The following PCDH9 variants were observed in gnomAD, a reference collection of about 807,000 sequenced individuals.
PCDH9 encodes the protein protocadherin 9, also known as protocadherin-9.
A neutral mutation model predicts 70.6 loss-of-function variants in PCDH9; 24 were observed. The observed-to-expected ratio is 0.34, with a 90% CI of 0.25 to 0.48. The LOEUF is 0.48. Among genes scored for constraint, PCDH9 ranks in the 20% least tolerant of loss-of-function variants. The pLI, the probability that PCDH9 is intolerant of heterozygous loss-of-function variation, is 0.99. For missense variants in PCDH9, 1,281 were observed against 1,503.6 expected, an observed-to-expected ratio of 0.85 and a Z score of 2.45; for synonymous variants, 562 against 558.5, an observed-to-expected ratio of 1.01 and a Z score of -0.09.
intron 2 of PCDH9, among the ~76,000 whole-genome samples, chr13:67,052,837 G>A (rs1311426381): frequency 1.3e-5 from 2 of 152,098 alleles, no homozygotes; most frequent in Admixed American, 1.3e-4. Flanking sequence ...GGAGGAGGTG[G>A]TTAATGCTAT....
intron 2 of PCDH9, among the ~76,000 whole-genome samples, chr13:67,011,362 C>A (rs1236292594): frequency 6.6e-6 from 1 of 151,684 alleles, no homozygotes; most frequent in Non-Finnish European, 1.5e-5. Context: ...TGCATTTTAC[C>A]AACTGCATAT....
chr13:66,678,208 G>C (rs958176691), intron 3 of PCDH9, among the ~76,000 whole-genome samples: 9 of 151,596 alleles, frequency 5.9e-5, no homozygotes, highest in Non-Finnish European at 1.3e-4. Flanking sequence ...GCTTTCTCTT[G>C]GTTTCCTTTA....
chr13:67,216,404 G>C (rs1319016539), intron 2 of PCDH9: 1 of 151,342 alleles, frequency 6.6e-6, no homozygotes, highest in African/African-American at 2.4e-5. Context: ...TAAGTTTTAA[G>C]GCAAAAAATG....
chr13:66,469,255 G>A (rs1011636545), intron 4 of PCDH9, among the ~76,000 whole-genome samples: 4 of 151,990 alleles, frequency 2.6e-5, no homozygotes, highest in African/African-American at 7.2e-5. Context: ...GGGTAGTAAC[G>A]TACCTGTTTG....
At chr13:67,197,641 A>G (rs1052138808) in intron 2 of PCDH9, among the ~76,000 whole-genome samples, 1 of 151,966 alleles carries the variant, frequency 6.6e-6, no homozygotes, top group East Asian at 1.9e-4. Context: ...TAGCCTTTAA[A>G]TTATACTCAA....
At chr13:66,318,301 C>A (rs1477204506) in intron 4 of PCDH9, among the ~76,000 whole-genome samples, 1 of 152,116 alleles carries the variant, frequency 6.6e-6, no homozygotes, top group Non-Finnish European at 1.5e-5. Context: ...TATTGCCAAT[C>A]ATCAACTGCT....
chr13:66,715,447 A>G (rs1191356683), intron 3 of PCDH9, among the ~76,000 whole-genome samples: 1 of 152,128 alleles, frequency 6.6e-6, no homozygotes, highest in Non-Finnish European at 1.5e-5. Context: ...CAATAATGAG[A>G]TATTTGTTTA....
At chr13:66,373,101 T>C (rs892571472) in intron 4 of PCDH9, among the ~76,000 whole-genome samples, 2 of 151,988 alleles carry the variant, frequency 1.3e-5, no homozygotes, top group African/African-American at 2.4e-5. Context: ...CAGTCAATAA[T>C]TGGATAAACT....
At chr13:66,958,875 A>G (rs2083302850) in intron 2 of PCDH9, among the ~76,000 whole-genome samples, 1 of 152,204 alleles carries the variant, frequency 6.6e-6, no homozygotes, top group Non-Finnish European at 1.5e-5. Context: ...TTTTATACTT[A>G]GACGTTTTTC....
intron 2 of PCDH9, among the ~76,000 whole-genome samples, chr13:66,931,523 T>A (rs1185973776): frequency 6.6e-6 from 1 of 152,118 alleles, no homozygotes; most frequent in Non-Finnish European, 1.5e-5. Context: ...AGGAAAGAAA[T>A]GTAACCTGTT....
intron 4 of PCDH9, among the ~76,000 whole-genome samples, chr13:66,404,178 TAAA>T (rs1359342741): frequency 6.6e-6 from 1 of 152,142 alleles, no homozygotes; most frequent in Non-Finnish European, 1.5e-5. Flanking sequence ...AAAGTAGACA[TAAA>T]TAGAGGCACT....
intron 4 of PCDH9, among the ~76,000 whole-genome samples, chr13:66,340,850 T>G (rs1178682371): frequency 6.6e-6 from 1 of 152,014 alleles, no homozygotes. Flanking sequence ...CTAGAAATTA[T>G]TGTATTAGTA....
chr13:66,953,398 T>C (rs570488760), intron 2 of PCDH9, among the ~76,000 whole-genome samples: 1 of 152,330 alleles, frequency 6.6e-6, no homozygotes, highest in South Asian at 2.1e-4. Flanking sequence ...GTTCAAAATA[T>C]ACTTGCTGAA....
At chr13:66,993,094 C>T (rs933472308) in intron 2 of PCDH9, among the ~76,000 whole-genome samples, 14 of 152,160 alleles carry the variant, frequency 9.2e-5, no homozygotes, top group South Asian at 6.2e-4. Flanking sequence ...TAAAGTGACT[C>T]GTCTCATGAA....
At chr13:66,583,188 G>C (rs1399173655) in intron 4 of PCDH9, among the ~76,000 whole-genome samples, 2 of 150,592 alleles carry the variant, frequency 1.3e-5, no homozygotes, top group Non-Finnish European at 3.0e-5. Context: ...ATCCTCTTCA[G>C]GAAAAAAATG....
At chr13:67,104,740 G>A (rs2086502728) in intron 2 of PCDH9, among the ~76,000 whole-genome samples, 1 of 152,002 alleles carries the variant, frequency 6.6e-6, no homozygotes, top group African/African-American at 2.4e-5. Context: ...TAGTAGAGAC[G>A]GGGTTTCACC....
rs1208967367 is a variant in PCDH9 at position 66,412,414 on chromosome 13, C to T, written c.3341-107386G>A. Among the ~76,000 whole-genome samples the T allele has an allele frequency of 3.3e-5, 5 of 152,174 alleles. No homozygotes were observed. In the South Asian group the frequency reaches 1.0e-3, roughly 32 times the overall value. ...CATTAAGAGAAACATGTCTGATAGG[C>T]CCTTTCCTTAGCAGAAATGTAAGCC... is the stretch of plus-strand genomic sequence containing the variant. On this transcript the variant is annotated intron_variant, in intron 4 of 4. Coordinates refer to ENST00000377865, the MANE Select transcript of PCDH9 (RefSeq NM_203487.3).
intron 4 of PCDH9, chr13:66,323,180 T>A (rs779370621): frequency 1.3e-5 from 2 of 152,034 alleles, no homozygotes; most frequent in African/African-American, 2.4e-5. Flanking sequence ...TTAGGTTTGA[T>A]GACTGGCTTA....
At chr13:66,523,872 G>T (rs9540787) in intron 4 of PCDH9, among the ~76,000 whole-genome samples, 36,858 of 151,884 alleles carry the variant, frequency 0.24, 4,876 homozygotes, top group South Asian at 0.35. Flanking sequence ...AAATACTTAA[G>T]CATAAAATAA....
Sources: allele counts gnomAD v4.1 joint callset (sites outside exome capture counted in the v4.1 genomes callset), GRCh38; gene constraint gnomAD v4.1.1; transcripts MANE v1.5; gene names NCBI Gene and HGNC (gene_info 2026-07-23, HGNC 2026-07-21).